SSU72L3: variants seen among roughly 807,000 people sequenced by gnomAD.
The protein encoded by SSU72L3 is RNA polymerase II subunit A C-terminal domain phosphatase SSU72 like protein 3.
At chr11:4,330,296 C>G in the SSU72L3 span, 2 of 758,388 alleles carry the variant, frequency 2.6e-6, no homozygotes, top group African/African-American at 3.4e-5. Flanking sequence ...TCCAAGATAC[C>G]CTGGAAGATG....
chr11:4,330,166 G>A, the SSU72L3 span: 4 of 745,276 alleles, frequency 5.4e-6, no homozygotes, highest in Non-Finnish European at 7.4e-6. Context: ...TTTCAGGAGT[G>A]CACTGATTCC....
At chr11:4,330,832 T>A in the SSU72L3 span, among the ~76,000 whole-genome samples, 2 of 152,130 alleles carry the variant, frequency 1.3e-5, no homozygotes, top group East Asian at 1.9e-4. Context: ...ATTGTATAGA[T>A]AAGCACCTTT....
chr11:4,330,229 AT>A, the SSU72L3 span: 7 of 739,194 alleles, frequency 9.5e-6, no homozygotes, highest in South Asian at 1.0e-4. Context: ...GTGGTGGAAG[AT>A]CTGTGTTCCA....
At chr11:4,329,885 G>T in the SSU72L3 span, 7 of 724,560 alleles carry the variant, frequency 9.7e-6, no homozygotes, top group Admixed American at 5.7e-5. Flanking sequence ...CCCCACTCAG[G>T]GTGGCTGTGG....
At chr11:4,329,809 G>A in the SSU72L3 span, 133 of 615,312 alleles carry the variant, frequency 2.2e-4, 1 homozygote, top group Non-Finnish European at 3.5e-4. Context: ...CCTCGGCTCC[G>A]AGTCCCTGCA....
At chr11:4,330,595 T>A in the SSU72L3 span, 13 of 544,888 alleles carry the variant, frequency 2.4e-5, no homozygotes, top group Middle Eastern at 4.7e-4. Context: ...AAGAGACTAT[T>A]ACCAAGAAAA....
the SSU72L3 span, chr11:4,330,294 A>G: frequency 4.0e-6 from 3 of 758,386 alleles, no homozygotes; most frequent in African/African-American, 3.4e-5. Context: ...CATCCAAGAT[A>G]CCCTGGAAGA....
At chr11:4,330,046 A>G in the SSU72L3 span, 4 of 777,292 alleles carry the variant, frequency 5.1e-6, no homozygotes, top group African/African-American at 1.7e-5. Flanking sequence ...GCAACAACAT[A>G]TAAGCAGATG....
the SSU72L3 span, chr11:4,329,947 G>A: frequency 2.9e-5 from 21 of 736,336 alleles, no homozygotes; most frequent in Middle Eastern, 3.5e-4. Flanking sequence ...ATCCTCAGGA[G>A]AAAAGGGCTA....
chr11:4,330,662 C>T, the SSU72L3 span, among the ~76,000 whole-genome samples: 1 of 152,114 alleles, frequency 6.6e-6, no homozygotes. Flanking sequence ...AAATGCTTGG[C>T]ATTGTGCTAG....
At chr11:4,330,044 A>G in the SSU72L3 span, 4 of 777,300 alleles carry the variant, frequency 5.1e-6, no homozygotes, top group Non-Finnish European at 4.8e-6. Flanking sequence ...TTGCAACAAC[A>G]TATAAGCAGA....
At chr11:4,330,401 G>A in the SSU72L3 span, 2 of 746,936 alleles carry the variant, frequency 2.7e-6, no homozygotes, top group Non-Finnish European at 4.9e-6. Context: ...TGTTGCAAAT[G>A]GAGGAGAAGG....
chr11:4,330,058 A>G, the SSU72L3 span: 1 of 776,810 alleles, frequency 1.3e-6, no homozygotes, highest in Non-Finnish European at 2.4e-6. Context: ...AAGCAGATGT[A>G]CAATGACCTC....
chr11:4,330,337 T>A, the SSU72L3 span: 111 of 760,858 alleles, frequency 1.5e-4, no homozygotes, highest in African/African-American at 1.6e-3. Context: ...ATCTGTGAGA[T>A]TTGCCAGTGC....
At chr11:4,329,861 C>T in the SSU72L3 span, 5 of 701,564 alleles carry the variant, frequency 7.1e-6, no homozygotes, top group South Asian at 1.7e-5. Context: ...CAGTGGCCAC[C>T]ATCATGCTCT....
the SSU72L3 span, chr11:4,330,287 C>T: frequency 4.0e-6 from 3 of 758,518 alleles, no homozygotes; most frequent in African/African-American, 5.1e-5. Flanking sequence ...ACATGGACAT[C>T]CAAGATACCC....
chr11:4,330,821 C>T, the SSU72L3 span, among the ~76,000 whole-genome samples: 229 of 152,222 alleles, frequency 1.5e-3, no homozygotes, highest in Non-Finnish European at 2.4e-3. Context: ...AGATAAATAA[C>T]ATTGTATAGA....
the SSU72L3 span, among the ~76,000 whole-genome samples, chr11:4,330,668 G>T: frequency 0.011 from 1,606 of 146,570 alleles, 2 homozygotes; most frequent in African/African-American, 0.042. Flanking sequence ...TTGGCATTGT[G>T]CTAGGTGCAT....
At chr11:4,330,164 G>A in the SSU72L3 span, 16 of 746,494 alleles carry the variant, frequency 2.1e-5, no homozygotes, top group East Asian at 3.9e-4. Context: ...GATTTCAGGA[G>A]TGCACTGATT....
Sources: gnomAD v4.1 joint callset for allele counts (sites outside exome capture counted in the v4.1 genomes callset) on GRCh38, gnomAD v4.1.1 for gene constraint, MANE v1.5 for transcripts, NCBI Gene and HGNC (gene_info 2026-07-23, HGNC 2026-07-21) for gene names.